SOS1: variants seen among roughly 807,000 people sequenced by gnomAD.
SOS1 encodes the protein SOS Ras/Rac guanine nucleotide exchange factor 1.
A neutral mutation model predicts 157.6 loss-of-function variants in SOS1; 25 were observed. That is an observed-to-expected ratio of 0.16 (90% CI 0.12 to 0.22). SOS1 has a LOEUF of 0.22. SOS1 is among the 10% of genes least tolerant of loss of function. The pLI, the probability that SOS1 is intolerant of heterozygous loss-of-function variation, is 1.00. For missense variants in SOS1, 1,237 were observed against 1,599.1 expected (o/e 0.77, Z 3.86); for synonymous variants, 528 against 534.0 (o/e 0.99, Z 0.16).
At chr2:39,040,002 CTTTTA>C (rs1163508677) in intron 6 of SOS1, among the ~76,000 whole-genome samples, 2 of 151,902 alleles carry the variant, frequency 1.3e-5, no homozygotes, top group East Asian at 1.9e-4. Context: ...TCAACACCCC[CTTTTA>C]TTTTTTTATT....
At chr2:39,101,499 T>C (rs297158) in intron 1 of SOS1, among the ~76,000 whole-genome samples, 129,439 of 152,122 alleles carry the variant, frequency 0.85, 56,013 homozygotes, top group Non-Finnish European at 0.93. Flanking sequence ...TAGCATTATA[T>C]GTATCCTGAC....
At chr2:39,107,503 C>T (rs1358848622) in intron 1 of SOS1, among the ~76,000 whole-genome samples, 1 of 151,998 alleles carries the variant, frequency 6.6e-6, no homozygotes, top group Non-Finnish European at 1.5e-5. Context: ...GTCAGACTTT[C>T]ATCAGTCTGA....
At chr2:39,037,587 T>C (rs941207979) in intron 6 of SOS1, among the ~76,000 whole-genome samples, 2 of 150,750 alleles carry the variant, frequency 1.3e-5, no homozygotes, top group Non-Finnish European at 2.9e-5. Flanking sequence ...TTTATGGTGC[T>C]TCACTTTATT....
chr2:39,015,802 CTTTT>C (rs1054843148), intron 10 of SOS1, among the ~76,000 whole-genome samples: 19 of 87,412 alleles, frequency 2.2e-4, no homozygotes, highest in Admixed American at 1.6e-3. Context: ...AATTGTAAAT[CTTTT>C]TTTTTTTTTT....
intron 6 of SOS1, among the ~76,000 whole-genome samples, chr2:39,040,609 T>A (rs748682231): frequency 6.6e-6 from 1 of 152,218 alleles, no homozygotes; most frequent in Non-Finnish European, 1.5e-5. Context: ...CTTATTTTAT[T>A]AGCATAACGT....
Position 38,996,986 on chromosome 2 carries a change from G to A in SOS1, c.3017C>T (p.Thr1006Ile), listed in dbSNP as rs1193609722. ...TAGGGATTTGTTGAAAAGATAATCT[G>A]TAAATTCCTTCTCCATGCTATTTCC... ...PMGNSMEKEF[T>I]DYLFNKSLEI... The change falls in exon 19 of 23, where the codon ACA becomes ATA. Residue 1006 changes from threonine (T) to isoleucine (I), a missense_variant. Physicochemically the swap from Thr to Ile is moderately conservative, Grantham distance 89. This residue lies in a region of SOS1 where 43 missense variants were observed against 83.0 expected (regional missense o/e 0.52). Coordinates refer to ENST00000402219, the MANE Select transcript of SOS1 (RefSeq NM_005633.4). 5 of 1,607,948 alleles carry A rather than the reference G, an allele frequency of 3.1e-6. No individual in the cohort carries two copies. In the East Asian group the frequency reaches 1.1e-4, roughly 36 times the overall value.
intron 1 of SOS1, among the ~76,000 whole-genome samples, chr2:39,109,453 C>A (rs1376070211): frequency 6.6e-6 from 1 of 152,148 alleles, no homozygotes; most frequent in African/African-American, 2.4e-5. Context: ...AAGGGCTGAG[C>A]TCCTCAGCTT....
chr2:39,055,535 G>T (rs149438995), intron 4 of SOS1, among the ~76,000 whole-genome samples: 1 of 151,910 alleles, frequency 6.6e-6, no homozygotes, highest in Non-Finnish European at 1.5e-5. Context: ...TTTCGTATTC[G>T]TGTCTTCAGT....
rs1423075152 is a variant in SOS1 at position 38,984,218 on chromosome 2, A to AACT, written c.*1605_*1606insAGT. The AACT allele has an allele frequency of 1.1e-3, 1 of 898 alleles. No individual in the cohort carries two copies. Among genetic ancestry groups the AACT allele is most frequent in the Non-Finnish European group, 3.5e-3 (1 of 288 alleles). The allele number at this position is 898 out of a possible 1,614,324, so 0.1% of individuals were successfully genotyped here. A position where few individuals can be genotyped will look rare whatever the true frequency, so the allele number is the denominator to read the frequency against. On this transcript the variant is annotated 3_prime_UTR_variant, in exon 23 of 23. Coordinates refer to ENST00000402219, the MANE Select transcript of SOS1 (RefSeq NM_005633.4). Reference sequence around the variant, plus strand: ...ACATGCAGATGCTGATGAACCAGATAAACTCTCTAAGGATGGAATACTGCA... The same window carrying AACT: ...ACATGCAGATGCTGATGAACCAGATAACTAACTCTCTAAGGATGGAATACTGCA...
chr2:39,124,364 T>A (rs1400510291), upstream of SOS1: 3 of 152,178 alleles, frequency 2.0e-5, no homozygotes, highest in Non-Finnish European at 4.4e-5. Context: ...CCTCCTCAGC[T>A]CTAAGGAGCC....
At chr2:39,036,044 T>C (rs1044055524) in intron 6 of SOS1, among the ~76,000 whole-genome samples, 1 of 152,108 alleles carries the variant, frequency 6.6e-6, no homozygotes, top group Admixed American at 6.6e-5. Context: ...ATATCACCAA[T>C]CAATAAACTA....
chr2:38,999,314 A>T (rs965552582), intron 17 of SOS1, among the ~76,000 whole-genome samples: 1 of 152,188 alleles, frequency 6.6e-6, no homozygotes, highest in Non-Finnish European at 1.5e-5. Flanking sequence ...GAGTGGCAGG[A>T]TATGAGGATA....
chr2:39,116,341 G>A (rs1673649638), intron 1 of SOS1, among the ~76,000 whole-genome samples: 2 of 152,098 alleles, frequency 1.3e-5, no homozygotes. Context: ...CACTCAGTGA[G>A]TTACTAGATC....
chr2:39,100,518 T>A (rs143755029), intron 1 of SOS1, among the ~76,000 whole-genome samples: 15 of 152,256 alleles, frequency 9.9e-5, no homozygotes, highest in African/African-American at 3.6e-4. Flanking sequence ...ACACGGATAA[T>A]AAACCCAGAG....
chr2:39,067,565 A>C (rs1671632728), intron 2 of SOS1, 63 bp downstream of exon 2: 1 of 1,449,336 alleles, frequency 6.9e-7, no homozygotes, highest in Non-Finnish European at 9.7e-7. Flanking sequence ...TTCCCTGTTC[A>C]CTGACATTAC....
chr2:39,035,526 T>C (rs755137045), intron 6 of SOS1, 26 bp from the exon 7 acceptor site: 1 of 1,475,480 alleles, frequency 6.8e-7, no homozygotes. Context: ...AGGTAAAACA[T>C]AAATAATTTA....
intron 6 of SOS1, among the ~76,000 whole-genome samples, chr2:39,045,251 A>AGG (rs879415259): frequency 0.12 from 14,146 of 119,570 alleles, 1,552 homozygotes; most frequent in African/African-American, 0.29. Flanking sequence ...AGGGAGAGAG[A>AGG]GAGAGAGAGA....
intron 1 of SOS1, among the ~76,000 whole-genome samples, chr2:39,115,192 G>A (rs536424138): frequency 3.0e-4 from 45 of 152,080 alleles, no homozygotes; most frequent in African/African-American, 1.0e-3. Flanking sequence ...TTCAGGATAT[G>A]TACACACCCC....
At chr2:39,080,697 A>G (rs1672169807) in intron 1 of SOS1, among the ~76,000 whole-genome samples, 2 of 152,160 alleles carry the variant, frequency 1.3e-5, no homozygotes, top group South Asian at 2.1e-4. Context: ...TGATACAACT[A>G]TAAACGCGGT....
Sources: allele counts gnomAD v4.1 joint callset (sites outside exome capture counted in the v4.1 genomes callset), GRCh38; gene constraint gnomAD v4.1.1; regional missense constraint gnomAD v4.1.1; transcripts MANE v1.5; gene names NCBI Gene and HGNC (gene_info 2026-07-23, HGNC 2026-07-21).